The following CRACDL variants were observed in gnomAD, a reference collection of about 807,000 sequenced individuals.
The protein encoded by CRACDL is CRACD like.
In CRACDL, 26 loss-of-function variants were observed where a neutral mutation model predicts 70.6. That is an observed-to-expected ratio of 0.37 (90% CI 0.27 to 0.51). The LOEUF (loss-of-function observed/expected upper bound fraction) is 0.51. CRACDL is among the 20% of genes least tolerant of loss of function. The pLI is 0.94. For missense variants in CRACDL, 1,283 were observed against 1,376.9 expected (o/e 0.93, Z 1.08); for synonymous variants, 618 against 615.2 (o/e 1.00, Z -0.07).
intron 1 of CRACDL, chr2:98,897,265 C>T (rs1226006330): frequency 1.9e-6 from 1 of 524,450 alleles, no homozygotes; most frequent in Non-Finnish European, 3.2e-6. Context: ...TGAGCTTCAT[C>T]CAAGCTGTTG....
At chr2:98,820,143 G>T (rs1288921164) in intron 7 of CRACDL, among the ~76,000 whole-genome samples, 1 of 151,484 alleles carries the variant, frequency 6.6e-6, no homozygotes, top group African/African-American at 2.4e-5. Context: ...AACAAAATTT[G>T]TCATGGAAAA....
rs1485626652 is a variant in CRACDL at position 98,823,421 on chromosome 2, G to C, written c.852C>G (p.Asp284Glu). Residue 284 changes from aspartate to glutamate, a missense_variant, in exon 7 of 10, where the codon GAC (aspartate) becomes GAG (glutamate). Physicochemically the swap from Asp to Glu is conservative, Grantham distance 45. Coordinates refer to ENST00000397899, the MANE Select transcript of CRACDL (RefSeq NM_207362.3). The surrounding 1 kb of genome is among the most constrained non-coding windows in gnomAD (Gnocchi z 4.0). ...PEERPSSGQQ[D>E]VAPDRGPEPG... ...GCTCAGGGCCTCTGTCTGGCGCCAC[G>C]TCCTGCTGCCCAGAGCTGGGGCGCT... The C allele has an allele frequency of 6.4e-7, 1 of 1,574,032 alleles. No individual in the cohort carries two copies. The highest frequency in any genetic ancestry group is 8.6e-7 in the Non-Finnish European group (1 of 1,168,204).
intron 1 of CRACDL, among the ~76,000 whole-genome samples, chr2:98,858,482 T>C (rs1573087824): frequency 7.6e-6 from 1 of 131,600 alleles, no homozygotes; most frequent in African/African-American, 2.9e-5. Context: ...ACCACTGCAC[T>C]CCAGCCTGGG....
intron 1 of CRACDL, chr2:98,908,590 A>G (rs956890598): frequency 6.6e-6 from 1 of 152,280 alleles, no homozygotes; most frequent in African/African-American, 2.4e-5. Flanking sequence ...AACTCACTCT[A>G]TTGCTGCAAA....
At chr2:98,839,444 C>A (rs1199119142) in intron 2 of CRACDL, among the ~76,000 whole-genome samples, 1 of 152,222 alleles carries the variant, frequency 6.6e-6, no homozygotes, top group East Asian at 1.9e-4. Flanking sequence ...GAGTTTTCTG[C>A]ATTTGGTCAG....
chr2:98,826,519 G>C (rs1040770113), intron 6 of CRACDL, among the ~76,000 whole-genome samples: 4 of 152,160 alleles, frequency 2.6e-5, no homozygotes, highest in Non-Finnish European at 5.9e-5. Flanking sequence ...AGTTTTTCTG[G>C]GGGACTCTCA....
chr2:98,912,113 T>C (rs574991997), intron 1 of CRACDL, among the ~76,000 whole-genome samples: 3 of 152,320 alleles, frequency 2.0e-5, no homozygotes, highest in Admixed American at 2.0e-4. Flanking sequence ...TTTTCTGGTG[T>C]GACAACCACT....
In CRACDL at chr2:98,834,225, C is replaced by T. The variant is rs560009165; in HGVS notation, c.240-1228G>A. Among the ~76,000 whole-genome samples the T allele has an allele frequency of 5.3e-5, 8 of 152,326 alleles. No individual in the cohort carries two copies. The East Asian group carries it at 1.4e-3, about 26-fold the overall frequency. On this transcript the variant is annotated intron_variant, in intron 3 of 9. Coordinates refer to ENST00000397899, the MANE Select transcript of CRACDL (RefSeq NM_207362.3). ...CTTTGGATGTAATGAGGAGTGGAGG[C>T]AGCATAAAGAGGCCTCTGCAAAAAC... is the stretch of plus-strand genomic sequence containing the variant.
chr2:98,885,980 G>C (rs1447676546), intron 1 of CRACDL, among the ~76,000 whole-genome samples: 2 of 151,908 alleles, frequency 1.3e-5, no homozygotes, highest in Non-Finnish European at 2.9e-5. Flanking sequence ...CAATAATTCA[G>C]GGAACATTTA....
chr2:98,844,488 A>C (rs576528802), intron 2 of CRACDL, among the ~76,000 whole-genome samples: 2 of 152,156 alleles, frequency 1.3e-5, no homozygotes, highest in Non-Finnish European at 1.5e-5. Flanking sequence ...TTTCATAAGG[A>C]CACCCATCAT....
intron 1 of CRACDL, among the ~76,000 whole-genome samples, chr2:98,866,096 G>C (rs1707128153): frequency 6.6e-6 from 1 of 152,062 alleles, no homozygotes; most frequent in African/African-American, 2.4e-5. Context: ...ACATATAAGA[G>C]AAAAGAAAGC....
intron 3 of CRACDL, among the ~76,000 whole-genome samples, chr2:98,834,270 A>G (rs532270825): frequency 6.6e-6 from 1 of 152,372 alleles, no homozygotes; most frequent in Admixed American, 6.5e-5. Context: ...CACATGTGCA[A>G]GGCCATTCAC....
intron 1 of CRACDL, among the ~76,000 whole-genome samples, chr2:98,867,124 C>T (rs1197663555): frequency 6.6e-6 from 1 of 152,214 alleles, no homozygotes; most frequent in Non-Finnish European, 1.5e-5. Flanking sequence ...TGCTGGGCTG[C>T]TTCTTTGCAA....
Position 98,807,468 on chromosome 2 carries a change from C to T in CRACDL, c.2417-9931G>A, listed in dbSNP as rs74325870. ...ACCTCCCTTCCCCACCCTACCACAG[C>T]GGTGTCAATCAAATATGTCTCCAGG... On this transcript the variant is annotated intron_variant, in intron 7 of 9. Coordinates refer to ENST00000397899, the MANE Select transcript of CRACDL (RefSeq NM_207362.3). 3.1e-3 allele frequency among the ~76,000 whole-genome samples: 468 copies of T among 152,264 alleles called. 1 individual carries two copies. The highest frequency in any genetic ancestry group is 0.01 in the African/African-American group (431 of 41,524).
At chr2:98,914,171 G>A (rs1418802313) in intron 1 of CRACDL, among the ~76,000 whole-genome samples, 1 of 152,244 alleles carries the variant, frequency 6.6e-6, no homozygotes, top group Non-Finnish European at 1.5e-5. Context: ...GAGGAGGCAG[G>A]AGCCCCAAGG....
chr2:98,845,854 C>T (rs1316984671), intron 2 of CRACDL, among the ~76,000 whole-genome samples: 1 of 151,988 alleles, frequency 6.6e-6, no homozygotes, highest in Non-Finnish European at 1.5e-5. Flanking sequence ...TGAAATGTGA[C>T]AGAGGAAAAA....
chr2:98,794,613 G>A lies in CRACDL; in HGVS notation c.2808C>T (p.Ala936=). ...ELHQLKRASY[A]STDQPSWMEL... is the part of the protein sequence containing the mutation. Reference sequence around the variant, plus strand: ...CCATCCAGGATGGCTGATCTGTACTGGCATAACTGGCTCTCTTCAGCTGAT... The same window carrying A: ...CCATCCAGGATGGCTGATCTGTACTAGCATAACTGGCTCTCTTCAGCTGAT... Residue 936 remains alanine (A), a synonymous_variant, in exon 10 of 10, where the codon GCC becomes GCT. Transcript: ENST00000397899. 6.2e-7 allele frequency: 1 copy of A among 1,613,362 alleles called. No individual in the cohort carries two copies. The highest frequency in any genetic ancestry group is 1.7e-5 in the Admixed American group (1 of 60,002).
chr2:98,879,352 A>AT (rs1266592969), intron 1 of CRACDL, among the ~76,000 whole-genome samples: 1 of 151,986 alleles, frequency 6.6e-6, no homozygotes, highest in Non-Finnish European at 1.5e-5. Flanking sequence ...CAAATAGTTG[A>AT]TTTTCTTTGA....
chr2:98,832,003 G>A (rs573426864), intron 5 of CRACDL, among the ~76,000 whole-genome samples: 3 of 152,188 alleles, frequency 2.0e-5, no homozygotes, highest in South Asian at 2.1e-4. Flanking sequence ...TCATGGCAAC[G>A]GAAAACAGAT....
Sources: gnomAD v4.1 joint callset for allele counts (sites outside exome capture counted in the v4.1 genomes callset) on GRCh38, gnomAD v4.1.1 for gene constraint, Gnocchi (gnomAD v3.1) non-coding constraint, MANE v1.5 for transcripts, NCBI Gene and HGNC (gene_info 2026-07-23, HGNC 2026-07-21) for gene names.